PLEKHA5: variants seen among roughly 807,000 people sequenced by gnomAD.
PLEKHA5 encodes pleckstrin homology domain containing A5.
PLEKHA5 carries 55 observed loss-of-function variants against 181.9 expected under a neutral mutation model. The ratio of observed to expected loss-of-function variants is 0.30; its 90% CI spans 0.24 to 0.38. The LOEUF is 0.38. Ranked by LOEUF, PLEKHA5 falls within the 10% of genes least tolerant of loss-of-function variation. The pLI, the probability that PLEKHA5 is intolerant of heterozygous loss-of-function variation, is 1.00. For missense variants in PLEKHA5, 1,432 were observed against 1,549.5 expected, an observed-to-expected ratio of 0.92 and a Z score of 1.27; for synonymous variants, 535 against 529.4, an observed-to-expected ratio of 1.01 and a Z score of -0.15.
chr12:19,198,668 G>T (rs114841553), intron 3 of PLEKHA5, among the ~76,000 whole-genome samples: 1 of 152,086 alleles, frequency 6.6e-6, no homozygotes, highest in African/African-American at 2.4e-5. Flanking sequence ...TTGTGTGAAT[G>T]AACAAAGGGA....
intron 3 of PLEKHA5, among the ~76,000 whole-genome samples, chr12:19,214,607 C>A (rs7967266): frequency 1.3e-5 from 2 of 151,934 alleles, no homozygotes; most frequent in African/African-American, 2.4e-5. Flanking sequence ...ACAGATCCAG[C>A]GACATATGAT....
intron 3 of PLEKHA5, among the ~76,000 whole-genome samples, chr12:19,227,604 C>T (rs561499752): frequency 6.6e-6 from 1 of 152,200 alleles, no homozygotes; most frequent in South Asian, 2.1e-4. Context: ...GTATAAAAAT[C>T]AGAAGGGCAA....
At chr12:19,200,418 G>T in intron 3 of PLEKHA5, 2 of 1,501,428 alleles carry the variant, frequency 1.3e-6, no homozygotes, top group Non-Finnish European at 1.8e-6. Flanking sequence ...TTCACTTCTT[G>T]GTGACTAATA....
chr12:19,254,978 A>G (rs2066463320), intron 4 of PLEKHA5, 67 bp from the exon 5 acceptor site: 4 of 1,402,050 alleles, frequency 2.9e-6, no homozygotes, highest in Non-Finnish European at 3.9e-6. Flanking sequence ...TGTTAACTGT[A>G]GAGAAGTGTA....
At chr12:19,252,593 A>G (rs965027312) in intron 3 of PLEKHA5, among the ~76,000 whole-genome samples, 2 of 152,170 alleles carry the variant, frequency 1.3e-5, no homozygotes, top group Admixed American at 1.3e-4. Flanking sequence ...TTAGGCAAAC[A>G]TCTTTTTCTC....
At chr12:19,145,029 CA>C (rs1234058705) in intron 3 of PLEKHA5, among the ~76,000 whole-genome samples, 1 of 152,050 alleles carries the variant, frequency 6.6e-6, no homozygotes, top group Non-Finnish European at 1.5e-5. Flanking sequence ...TATTTTACAC[CA>C]GGGCTGCTGT....
chr12:19,148,384 G>T (rs1188284279), intron 3 of PLEKHA5, among the ~76,000 whole-genome samples: 1 of 152,188 alleles, frequency 6.6e-6, no homozygotes, highest in East Asian at 1.9e-4. Context: ...TAATACTCAG[G>T]CTCTGCAAAG....
At chr12:19,141,962 T>C (rs960712446) in intron 3 of PLEKHA5, among the ~76,000 whole-genome samples, 1 of 152,164 alleles carries the variant, frequency 6.6e-6, no homozygotes, top group Non-Finnish European at 1.5e-5. Flanking sequence ...CCAAATAACT[T>C]GGATTATTTA....
At chr12:19,317,427 T>TA (rs932797894) in intron 16 of PLEKHA5, among the ~76,000 whole-genome samples, 1 of 152,074 alleles carries the variant, frequency 6.6e-6, no homozygotes, top group Non-Finnish European at 1.5e-5. Context: ...CCATAGTTTT[T>TA]ATAACATGAT....
intron 7 of PLEKHA5, among the ~76,000 whole-genome samples, chr12:19,263,606 T>C (rs748329566): frequency 2.0e-5 from 3 of 152,218 alleles, no homozygotes; most frequent in Non-Finnish European, 4.4e-5. Context: ...ACTGATTTGC[T>C]AAAGATATTC....
chr12:19,231,622 A>ATATGTACAC (rs1565495151), intron 3 of PLEKHA5, among the ~76,000 whole-genome samples: 189 of 142,968 alleles, frequency 1.3e-3, no homozygotes, highest in Non-Finnish European at 2.0e-3. Flanking sequence ...AAATACTCAT[A>ATATGTACAC]AAGCTTGAGT....
At chr12:19,335,189 A>G (rs1448465770) in intron 20 of PLEKHA5, among the ~76,000 whole-genome samples, 1 of 149,888 alleles carries the variant, frequency 6.7e-6, no homozygotes, top group Non-Finnish European at 1.5e-5. Context: ...GCGCCACCGC[A>G]CCCAGAGAAT....
Position 19,353,932 on chromosome 12 carries a change from C to T in PLEKHA5, c.3068C>T (p.Thr1023Ile). ...GVVPPRAKSPTPESSTIASYV... is the reference protein window; with the variant it reads ...GVVPPRAKSPIPESSTIASYV... ...GTCCCTCCAAGAGCAAAATCACCAACACCCGAATCTTCGACAATAGCTTCC... is the reference window on the plus strand; with the variant it reads ...GTCCCTCCAAGAGCAAAATCACCAATACCCGAATCTTCGACAATAGCTTCC... The change falls in exon 26 of 32, where the codon ACA (threonine) becomes ATA (isoleucine). Residue 1023 changes from threonine (T) to isoleucine (I), a missense_variant. Thr to Ile is a moderately conservative substitution (Grantham distance 89, BLOSUM62 -1). This residue lies in a region of PLEKHA5 where 1,143 missense variants were observed against 1,168.4 expected (regional missense o/e 0.98). Transcript: ENST00000429027. 6.2e-7 allele frequency: 1 copy of T among 1,611,562 alleles called. No homozygotes were observed. The highest frequency in any genetic ancestry group is 1.3e-5 in the African/African-American group (1 of 75,004).
rs1227844203 is a variant in PLEKHA5, at chr12:19,265,730, G to A, written c.611-20G>A. ...ATAAGAACATTTAAAATTCTAATCAGATGTTAAATTATCTCTTAGATGAGA... is the reference window on the plus strand; with the variant it reads ...ATAAGAACATTTAAAATTCTAATCAAATGTTAAATTATCTCTTAGATGAGA... On this transcript the variant is annotated intron_variant, in intron 7 of 31. Coordinates refer to ENST00000429027, the MANE Select transcript of PLEKHA5 (RefSeq NM_001256470.2). 1 of 1,292,292 alleles carries A rather than the reference G, an allele frequency of 7.7e-7. No individual in the cohort carries two copies. Among genetic ancestry groups the A allele is most frequent in the South Asian group, 1.3e-5 (1 of 78,812 alleles). The allele number at this position is 1,292,292 out of a possible 1,614,324, so 80.1% of individuals were successfully genotyped here. A position where few individuals can be genotyped will look rare whatever the true frequency, so the allele number is the denominator to read the frequency against.
chr12:19,270,741 A>T (rs1031546347), intron 10 of PLEKHA5, among the ~76,000 whole-genome samples: 4 of 152,210 alleles, frequency 2.6e-5, no homozygotes, highest in African/African-American at 9.6e-5. Context: ...TTTTTCTTCC[A>T]GTCAGTGACA....
At chr12:19,251,138 G>A (rs1007370263) in intron 3 of PLEKHA5, among the ~76,000 whole-genome samples, 6 of 152,048 alleles carry the variant, frequency 3.9e-5, no homozygotes, top group African/African-American at 1.2e-4. Flanking sequence ...TGGTGCGGTG[G>A]CTCACAGTGT....
chr12:19,172,004 C>T (rs2151679476), intron 3 of PLEKHA5, among the ~76,000 whole-genome samples: 1 of 152,228 alleles, frequency 6.6e-6, no homozygotes, highest in South Asian at 2.1e-4. Context: ...GAATACCTCC[C>T]TAAGGACCTG....
chr12:19,251,968 G>A (rs978991913), intron 3 of PLEKHA5, among the ~76,000 whole-genome samples: 1 of 152,070 alleles, frequency 6.6e-6, no homozygotes, highest in Admixed American at 6.6e-5. Context: ...ACCTCCCAGG[G>A]TGTCAAGTGC....
chr12:19,195,774 A>G (rs1054466029), intron 3 of PLEKHA5, among the ~76,000 whole-genome samples: 1 of 151,880 alleles, frequency 6.6e-6, no homozygotes, highest in African/African-American at 2.4e-5. Context: ...TATGAGATAT[A>G]TATATATACA....
Sources: allele counts gnomAD v4.1 joint callset (sites outside exome capture counted in the v4.1 genomes callset), GRCh38; gene constraint gnomAD v4.1.1; regional missense constraint gnomAD v4.1.1; transcripts MANE v1.5; gene names NCBI Gene and HGNC (gene_info 2026-07-23, HGNC 2026-07-21).